CDC42BPB: variants seen among roughly 807,000 people sequenced by gnomAD.
CDC42BPB encodes CDC42 binding protein kinase beta.
CDC42BPB carries 37 observed loss-of-function variants against 214.9 expected under a neutral mutation model. The observed-to-expected ratio is 0.17, with a 90% CI of 0.13 to 0.23. CDC42BPB has a LOEUF of 0.23. Ranked by LOEUF, CDC42BPB falls within the 10% of genes least tolerant of loss-of-function variation. CDC42BPB has a pLI of 1.00. For missense variants in CDC42BPB, 1,694 were observed against 2,227.0 expected (o/e 0.76, Z 4.82); for synonymous variants, 931 against 884.0 (o/e 1.05, Z -0.94).
At chr14:103,033,206 CTT>C (rs1041783603) in intron 1 of CDC42BPB, among the ~76,000 whole-genome samples, 3 of 151,906 alleles carry the variant, frequency 2.0e-5, no homozygotes, top group Admixed American at 6.6e-5. Flanking sequence ...TGCTCTACCT[CTT>C]TTTGTTTTAT....
At chr14:102,954,744 G>A in intron 21 of CDC42BPB, 56 bp from the exon 22 acceptor site, 1 of 1,564,686 alleles carries the variant, frequency 6.4e-7, no homozygotes. Flanking sequence ...ACATGATCCA[G>A]ACTCTACTTA....
intron 8 of CDC42BPB, among the ~76,000 whole-genome samples, chr14:102,979,931 C>T (rs1039713628): frequency 2.0e-5 from 3 of 152,192 alleles, no homozygotes; most frequent in Non-Finnish European, 2.9e-5. Flanking sequence ...AACATCAGTG[C>T]GGAGACTCAA....
At chr14:103,013,383 G>A (rs1386789395) in intron 1 of CDC42BPB, among the ~76,000 whole-genome samples, 7 of 152,130 alleles carry the variant, frequency 4.6e-5, no homozygotes, top group African/African-American at 7.2e-5. Context: ...CTCCTCACGC[G>A]GACTCTCTGA....
At chr14:103,050,562 A>T (rs1888542036) in intron 1 of CDC42BPB, among the ~76,000 whole-genome samples, 1 of 152,146 alleles carries the variant, frequency 6.6e-6, no homozygotes, top group African/African-American at 2.4e-5. Context: ...GTTCAATTCC[A>T]CCCTGGGCAA....
intron 21 of CDC42BPB, among the ~76,000 whole-genome samples, chr14:102,958,844 T>A (rs1290318554): frequency 3.4e-5 from 5 of 147,182 alleles, no homozygotes; most frequent in African/African-American, 1.2e-4. Flanking sequence ...TAGTGTGGGA[T>A]TTTTTTTTTT....
At chr14:102,991,066 A>AT (rs1479628343) in intron 5 of CDC42BPB, among the ~76,000 whole-genome samples, 2 of 152,238 alleles carry the variant, frequency 1.3e-5, no homozygotes, top group Non-Finnish European at 2.9e-5. Flanking sequence ...TCTGGAGGAA[A>AT]TTTTAAAGAG....
At chr14:103,056,859 AGAG>A (rs1889006851) in intron 1 of CDC42BPB, 137 bp downstream of exon 1, 2 of 518,708 alleles carry the variant, frequency 3.9e-6, no homozygotes, top group South Asian at 6.3e-5. Context: ...TGCCAGAGCG[AGAG>A]GAGGCGAAGC....
intron 1 of CDC42BPB, among the ~76,000 whole-genome samples, chr14:103,027,755 G>C (rs1887133470): frequency 6.6e-6 from 1 of 152,184 alleles, no homozygotes; most frequent in African/African-American, 2.4e-5. Context: ...AAGGCTCAGG[G>C]GCAATGAAAA....
intron 18 of CDC42BPB, among the ~76,000 whole-genome samples, chr14:102,965,957 G>A (rs1893182515): frequency 6.6e-6 from 1 of 152,104 alleles, no homozygotes; most frequent in South Asian, 2.1e-4. Flanking sequence ...ACTGTCGCGG[G>A]AGGAAAAAAA....
chr14:103,004,226 A>C lies in CDC42BPB; in HGVS notation c.352-203T>G. 7.8e-7 allele frequency: 1 copy of C among 1,289,170 alleles called. No homozygotes were observed. The highest frequency in any genetic ancestry group is 3.2e-5 in the East Asian group (1 of 31,496). The allele number at this position is 1,289,170 out of a possible 1,614,324, so 79.9% of individuals were successfully genotyped here. A position where few individuals can be genotyped will look rare whatever the true frequency, so the allele number is the denominator to read the frequency against. Reference sequence around the variant, plus strand: ...TCTCCCAAGCCCCGTGCAAGTGCCAAGGGCTGCTGAGGAGGCACTTGCACC... The same window carrying C: ...TCTCCCAAGCCCCGTGCAAGTGCCACGGGCTGCTGAGGAGGCACTTGCACC... On this transcript the variant is annotated intron_variant, in intron 3 of 36. Coordinates refer to ENST00000361246, the MANE Select transcript of CDC42BPB (RefSeq NM_006035.4). The surrounding 1 kb of genome is among the most constrained non-coding windows in gnomAD (Gnocchi z 5.3).
At chr14:102,981,502 T>G (rs1194954085) in intron 7 of CDC42BPB, among the ~76,000 whole-genome samples, 2 of 152,164 alleles carry the variant, frequency 1.3e-5, no homozygotes, top group East Asian at 3.9e-4. Flanking sequence ...AGATACCGGC[T>G]GGGCACAGTG....
chr14:103,000,006 T>C (rs1873815567), intron 4 of CDC42BPB: 1 of 629,032 alleles, frequency 1.6e-6, no homozygotes, highest in South Asian at 7.1e-5. Context: ...CTCTAAAAGC[T>C]AGTGACCCAA....
intron 11 of CDC42BPB, 33 bp from the exon 12 acceptor site, chr14:102,974,182 T>C (rs752808596): frequency 2.5e-6 from 4 of 1,610,478 alleles, no homozygotes; most frequent in African/African-American, 1.3e-5. Context: ...TCTGTTCCTT[T>C]ATGTGCAATG....
intron 9 of CDC42BPB, 123 bp from the exon 10 acceptor site, chr14:102,976,172 A>G (rs1893734579): frequency 6.8e-7 from 1 of 1,480,530 alleles, no homozygotes; most frequent in Non-Finnish European, 8.9e-7. Flanking sequence ...ACCTGAGATA[A>G]GACTTTATGG....
chr14:102,967,178 G>T lies in CDC42BPB; in HGVS notation c.2347-8C>A, dbSNP rs772161800. The stretch of plus-strand genomic sequence containing the variant: ...ATCCACAAAGGAACAGAGCTGAAAT[G>T]AAACAATTTCACCACAGAACTTGTT... On this transcript the variant is annotated splice_region_variant and splice_polypyrimidine_tract_variant and intron_variant, in intron 16 of 36. Transcript: ENST00000361246. The T allele has an allele frequency of 6.2e-7, 1 of 1,608,172 alleles. No homozygotes were observed. Among genetic ancestry groups the T allele is most frequent in the Non-Finnish European group, 8.5e-7 (1 of 1,175,304 alleles).
chr14:103,057,206 C>T lies in CDC42BPB; in HGVS notation c.-33G>A, dbSNP rs1889037050. On this transcript the variant is annotated 5_prime_UTR_variant, in exon 1 of 37. Coordinates refer to ENST00000361246, the MANE Select transcript of CDC42BPB (RefSeq NM_006035.4). ...CGCGGCCCGCTCCCGACGCGCCGGC[C>T]TCTCACCGCCGGCTCGGCCAGTCCG... 7.5e-7 allele frequency: 1 copy of T among 1,332,004 alleles called. No individual in the cohort carries two copies. Among genetic ancestry groups the T allele is most frequent in the South Asian group, 1.8e-5 (1 of 55,600 alleles). 82.5% of individuals were successfully genotyped at this position (1,332,004 alleles called of 1,614,324 possible).
At chr14:103,026,691 G>A (rs1204933742) in intron 1 of CDC42BPB, among the ~76,000 whole-genome samples, 5 of 151,800 alleles carry the variant, frequency 3.3e-5, no homozygotes, top group East Asian at 1.9e-4. Context: ...GTGAAACCCC[G>A]TCTCTACTAA....
At position 102,980,800 on chromosome 14, in the gene CDC42BPB, G is replaced by A. The variant is rs773263420; in HGVS notation, c.1113C>T (p.Asp371=). The change falls in exon 8 of 37, where the codon GAC becomes GAT. Residue 371 remains aspartate, a synonymous_variant. Transcript: ENST00000361246. ...VSSPSDTSNF[D]VDDDVLRNTE... ...TGTTTCTCAGCACGTCGTCATCCACGTCGAAGTTGGATGTGTCAGAGGGAC... is the reference window on the plus strand; with the variant it reads ...TGTTTCTCAGCACGTCGTCATCCACATCGAAGTTGGATGTGTCAGAGGGAC... 11 of 1,614,050 alleles carry A rather than the reference G, an allele frequency of 6.8e-6. No individual in the cohort carries two copies. The highest frequency in any genetic ancestry group is 2.2e-5 in the East Asian group (1 of 44,894).
intron 20 of CDC42BPB, among the ~76,000 whole-genome samples, chr14:102,961,376 C>T (rs1196250969): frequency 2.0e-5 from 3 of 151,904 alleles, no homozygotes; most frequent in African/African-American, 7.3e-5. Context: ...GCTCTGTCAC[C>T]CAGGCTGGAG....
Sources: allele counts gnomAD v4.1 joint callset (sites outside exome capture counted in the v4.1 genomes callset), GRCh38; gene constraint gnomAD v4.1.1; non-coding constraint Gnocchi (gnomAD v3.1); transcripts MANE v1.5; gene names NCBI Gene and HGNC (gene_info 2026-07-23, HGNC 2026-07-21).